The following UBE2D1 variants were observed in gnomAD, a reference collection of about 807,000 sequenced individuals.
UBE2D1 encodes ubiquitin-conjugating enzyme E2 D1.
In UBE2D1, 9 loss-of-function variants were observed where a neutral mutation model predicts 24.6. That is an observed-to-expected ratio of 0.37 (90% CI 0.22 to 0.64). UBE2D1 has a LOEUF of 0.64. UBE2D1 is among the 30% of genes least tolerant of loss of function. The pLI is 0.64. For missense variants in UBE2D1, 87 were observed against 177.1 expected (o/e 0.49, Z 2.89); for synonymous variants, 57 against 57.6 (o/e 0.99, Z 0.04).
At chr10:58,338,757 AT>A (rs1209951057) in intron 1 of UBE2D1, among the ~76,000 whole-genome samples, 2 of 151,090 alleles carry the variant, frequency 1.3e-5, no homozygotes, top group Non-Finnish European at 2.9e-5. Context: ...TCATACTAGC[AT>A]TATGTGATGT....
In UBE2D1 at chr10:58,368,867, A is replaced by G. The variant is rs1318527652; in HGVS notation, c.*102A>G. Reference sequence around the variant, plus strand: ...CTGTTTACTGTTTCATTGTACCATGAAACCATTTGATTTTTACCCATTTTA... The same window carrying G: ...CTGTTTACTGTTTCATTGTACCATGGAACCATTTGATTTTTACCCATTTTA... On this transcript the variant is annotated 3_prime_UTR_variant, in exon 7 of 7. Coordinates refer to ENST00000373910, the MANE Select transcript of UBE2D1 (RefSeq NM_003338.5). 4.3e-6 allele frequency: 3 copies of G among 704,748 alleles called. No individual in the cohort carries two copies. The highest frequency in any genetic ancestry group is 6.4e-6 in the Non-Finnish European group (3 of 465,796). 43.7% of individuals were successfully genotyped at this position (704,748 alleles called of 1,614,324 possible). A position where few individuals can be genotyped will look rare whatever the true frequency, so the allele number is the denominator to read the frequency against.
At chr10:58,336,704 G>A (rs894416575) in intron 1 of UBE2D1, among the ~76,000 whole-genome samples, 5 of 152,170 alleles carry the variant, frequency 3.3e-5, no homozygotes, top group Admixed American at 6.5e-5. Context: ...TATTAATGAC[G>A]AAGTAATATT....
intron 1 of UBE2D1, among the ~76,000 whole-genome samples, chr10:58,351,900 C>T (rs929226071): frequency 2.6e-5 from 4 of 152,130 alleles, no homozygotes; most frequent in Non-Finnish European, 1.5e-5. Flanking sequence ...AATTTTTCAT[C>T]TCCATTATAA....
intron 3 of UBE2D1, among the ~76,000 whole-genome samples, chr10:58,362,351 C>G (rs920911882): frequency 2.6e-5 from 4 of 151,896 alleles, no homozygotes; most frequent in African/African-American, 4.8e-5. Flanking sequence ...TAAAAAACAC[C>G]AAAACTACTG....
chr10:58,335,115 C>T lies in UBE2D1; in HGVS notation c.-87C>T. The T allele has an allele frequency of 2.8e-6, 4 of 1,433,260 alleles. No individual in the cohort carries two copies. Among genetic ancestry groups the T allele is most frequent in the Non-Finnish European group, 3.8e-6 (4 of 1,058,608 alleles). 88.8% of individuals were successfully genotyped at this position (1,433,260 alleles called of 1,614,324 possible). On this transcript the variant is annotated 5_prime_UTR_variant, in exon 1 of 7. Transcript: ENST00000373910. Reference sequence around the variant, plus strand: ...CCACCGCGCGGAGCCAGCCTAGCTGCCAGCGAGCCCAACCCGCGACGACCC... The same window carrying T: ...CCACCGCGCGGAGCCAGCCTAGCTGTCAGCGAGCCCAACCCGCGACGACCC...
chr10:58,353,418 A>C (rs781671755), intron 1 of UBE2D1, among the ~76,000 whole-genome samples: 55 of 152,302 alleles, frequency 3.6e-4, no homozygotes, highest in Non-Finnish European at 6.5e-4. Flanking sequence ...AGTGGTTAGA[A>C]GACGACTTAC....
chr10:58,351,846 T>A (rs1227355371), intron 1 of UBE2D1, among the ~76,000 whole-genome samples: 3 of 152,206 alleles, frequency 2.0e-5, no homozygotes, highest in Non-Finnish European at 4.4e-5. Flanking sequence ...AGTAAGACAT[T>A]GCAGTGCGAT....
At chr10:58,365,135 C>G (rs1459825726) in intron 5 of UBE2D1, among the ~76,000 whole-genome samples, 7 of 152,024 alleles carry the variant, frequency 4.6e-5, no homozygotes, top group African/African-American at 7.3e-5. Context: ...GGGGATAAAC[C>G]TATTGATATT....
At chr10:58,337,921 A>G (rs981367605) in intron 1 of UBE2D1, among the ~76,000 whole-genome samples, 2 of 151,646 alleles carry the variant, frequency 1.3e-5, no homozygotes, top group African/African-American at 4.9e-5. Context: ...ATCTCGGCTC[A>G]CTGCAACCTC....
intron 1 of UBE2D1, among the ~76,000 whole-genome samples, chr10:58,340,609 T>C (rs1167158007): frequency 6.6e-6 from 1 of 152,192 alleles, no homozygotes; most frequent in Non-Finnish European, 1.5e-5. Context: ...GAGAGTGTTA[T>C]TTCCTTGTCT....
chr10:58,352,519 C>T (rs577559985), intron 1 of UBE2D1, among the ~76,000 whole-genome samples: 29 of 142,190 alleles, frequency 2.0e-4, no homozygotes, highest in African/African-American at 6.5e-4. Context: ...GAGGGTAGGG[C>T]GGGAGGATTG....
At chr10:58,341,434 A>T (rs1839960540) in intron 1 of UBE2D1, among the ~76,000 whole-genome samples, 2 of 152,104 alleles carry the variant, frequency 1.3e-5, no homozygotes, top group South Asian at 2.1e-4. Context: ...ATTTTTTTTT[A>T]AATCTTTGTA....
chr10:58,338,429 G>T (rs898116041), intron 1 of UBE2D1, among the ~76,000 whole-genome samples: 5 of 151,916 alleles, frequency 3.3e-5, no homozygotes, highest in African/African-American at 1.2e-4. Context: ...AGATGTTATC[G>T]CAGTCACCTA....
At position 58,337,761 on chromosome 10, in the gene UBE2D1, A is replaced by G. The variant is rs867932359; in HGVS notation, c.24+2536A>G. The stretch of plus-strand genomic sequence containing the variant: ...CCCTCAGATCGGTTGGGGTGGAAAG[A>G]AGACTGAGGACCACTGATGTTCTGG... On this transcript the variant is annotated intron_variant, in intron 1 of 6. Coordinates refer to ENST00000373910, the MANE Select transcript of UBE2D1 (RefSeq NM_003338.5). Among the ~76,000 whole-genome samples the G allele has an allele frequency of 2.0e-4, 30 of 152,154 alleles. 1 individual carries two copies. The highest frequency in any genetic ancestry group is 7.2e-4 in the African/African-American group (30 of 41,434).
intron 4 of UBE2D1, 142 bp from the exon 5 acceptor site, chr10:58,364,629 T>G: frequency 1.6e-6 from 1 of 611,312 alleles, no homozygotes; most frequent in Non-Finnish European, 2.9e-6. Context: ...AAGTAGATAA[T>G]TATTTGATTT....
intron 1 of UBE2D1, among the ~76,000 whole-genome samples, chr10:58,345,613 C>T (rs969943142): frequency 1.3e-5 from 2 of 151,998 alleles, no homozygotes; most frequent in African/African-American, 4.8e-5. Flanking sequence ...TAAGAAAAGT[C>T]CTGTAACAAC....
chr10:58,344,936 C>G (rs1232482534), intron 1 of UBE2D1, among the ~76,000 whole-genome samples: 3 of 151,764 alleles, frequency 2.0e-5, no homozygotes, highest in Non-Finnish European at 4.4e-5. Context: ...ATGATCTCAG[C>G]TCACTGCAAC....
At chr10:58,335,305 A>T (rs1839890092) in intron 1 of UBE2D1, 80 bp downstream of exon 1, 4 of 1,393,722 alleles carry the variant, frequency 2.9e-6, no homozygotes, top group African/African-American at 1.5e-5. Context: ...CCCGAGAGAC[A>T]TGCGGGGAGA....
intron 1 of UBE2D1, among the ~76,000 whole-genome samples, chr10:58,343,411 T>A (rs1839983554): frequency 6.6e-6 from 1 of 152,192 alleles, no homozygotes; most frequent in Admixed American, 6.5e-5. Context: ...TGTACTAGGT[T>A]GTAATGTAAA....
Sources: allele counts gnomAD v4.1 joint callset (sites outside exome capture counted in the v4.1 genomes callset), GRCh38; gene constraint gnomAD v4.1.1; transcripts MANE v1.5; gene names NCBI Gene and HGNC (gene_info 2026-07-23, HGNC 2026-07-21).